The following WWOX variants were observed in gnomAD, a reference collection of about 807,000 sequenced individuals.
WWOX encodes WW domain-containing oxidoreductase.
WWOX carries 69 observed loss-of-function variants against 46.2 expected under a neutral mutation model. That is an observed-to-expected ratio of 1.49 (90% CI 1.23 to 1.82). The LOEUF is 1.82. Ranked by LOEUF, WWOX falls within the 40% of genes most tolerant of loss-of-function variation. The pLI is 0.00. For missense variants in WWOX, 919 were observed against 542.6 expected, an observed-to-expected ratio of 1.69 and a Z score of -6.89; for synonymous variants, 359 against 202.6, an observed-to-expected ratio of 1.77 and a Z score of -6.56.
chr16:78,517,831 A>T (rs1355370289), intron 8 of WWOX, among the ~76,000 whole-genome samples: 1 of 151,510 alleles, frequency 6.6e-6, no homozygotes, highest in Non-Finnish European at 1.5e-5. Context: ...AGTGAAAAAA[A>T]AAAAGAATGA....
chr16:78,518,103 G>A lies in WWOX; in HGVS notation c.1056+85351G>A, dbSNP rs116132667. Among the ~76,000 whole-genome samples the A allele has an allele frequency of 2.2e-3, 328 of 152,196 alleles. 2 individuals are homozygous for A. Among genetic ancestry groups the A allele is most frequent in the African/African-American group, 7.3e-3 (304 of 41,528 alleles). ...CTGTTGGATCAGAACGGCAGTATGT[G>A]CTCTCCAGTATTTTCATAAGAGTCA... On this transcript the variant is annotated intron_variant, in intron 8 of 8. Coordinates refer to ENST00000566780, the MANE Select transcript of WWOX (RefSeq NM_016373.4).
chr16:78,926,274 A>G (rs2045495438), intron 8 of WWOX, among the ~76,000 whole-genome samples: 1 of 152,028 alleles, frequency 6.6e-6, no homozygotes, highest in Non-Finnish European at 1.5e-5. Flanking sequence ...CTGGGAGGCT[A>G]AAGTGGGAGG....
chr16:78,832,968 A>G (rs1382344912), intron 8 of WWOX, among the ~76,000 whole-genome samples: 1 of 151,444 alleles, frequency 6.6e-6, no homozygotes, highest in Non-Finnish European at 1.5e-5. Flanking sequence ...CTATGTCCCC[A>G]TTGGTGTTAA....
chr16:78,942,409 T>G (rs1478708066), intron 8 of WWOX, among the ~76,000 whole-genome samples: 3 of 152,270 alleles, frequency 2.0e-5, no homozygotes, highest in Admixed American at 1.3e-4. Context: ...GGGAGCAGTT[T>G]TGAGGACACA....
chr16:78,466,368 T>C (rs1290743737), intron 8 of WWOX, among the ~76,000 whole-genome samples: 1 of 152,156 alleles, frequency 6.6e-6, no homozygotes, highest in East Asian at 1.9e-4. Flanking sequence ...TGAAACTGTT[T>C]TGGAACTAGA....
At chr16:78,455,792 TAA>T (rs79273884) in intron 8 of WWOX, among the ~76,000 whole-genome samples, 51 of 120,072 alleles carry the variant, frequency 4.2e-4, no homozygotes, top group Admixed American at 4.6e-4. Context: ...AGGTGAAGGT[TAA>T]AAAAAAAAAA....
At chr16:78,317,048 C>G (rs562862483) in intron 5 of WWOX, among the ~76,000 whole-genome samples, 3 of 152,112 alleles carry the variant, frequency 2.0e-5, no homozygotes, top group Admixed American at 6.5e-5. Context: ...GAAGCCTGCA[C>G]AGTAAGTAGG....
chr16:78,387,634 C>T (rs1317837300), intron 6 of WWOX, among the ~76,000 whole-genome samples: 1 of 152,066 alleles, frequency 6.6e-6, no homozygotes, highest in Non-Finnish European at 1.5e-5. Flanking sequence ...AACCCTGAAA[C>T]ACTGAGCTAA....
chr16:78,848,055 G>C (rs1408670865), intron 8 of WWOX, among the ~76,000 whole-genome samples: 6 of 152,150 alleles, frequency 3.9e-5, no homozygotes, highest in African/African-American at 1.4e-4. Context: ...GAGTCATCTA[G>C]CTACTAGCCA....
chr16:78,213,881 C>A (rs910592437), intron 5 of WWOX, among the ~76,000 whole-genome samples: 1 of 152,126 alleles, frequency 6.6e-6, no homozygotes, highest in Non-Finnish European at 1.5e-5. Context: ...GCTTCTGGGG[C>A]CCCCAGGGCG....
At chr16:79,191,295 A>G (rs374752) in intron 8 of WWOX, among the ~76,000 whole-genome samples, 56,718 of 151,948 alleles carry the variant, frequency 0.37, 13,165 homozygotes, top group Non-Finnish European at 0.53. Flanking sequence ...AGCTCAGGCA[A>G]TCTGCCCGCC....
intron 5 of WWOX, among the ~76,000 whole-genome samples, chr16:78,229,515 G>GAT (rs373164261): frequency 0.16 from 12,524 of 80,364 alleles, 615 homozygotes; most frequent in Middle Eastern, 0.26. Context: ...TCTATATAGA[G>GAT]ATATATATAT....
intron 8 of WWOX, among the ~76,000 whole-genome samples, chr16:78,746,888 G>C (rs557043959): frequency 6.6e-6 from 1 of 151,966 alleles, no homozygotes; most frequent in African/African-American, 2.4e-5. Context: ...TTTGTTATGC[G>C]GCAGTATTTT....
chr16:78,731,836 T>G (rs1212001438), intron 8 of WWOX, among the ~76,000 whole-genome samples: 2 of 136,968 alleles, frequency 1.5e-5, no homozygotes, highest in African/African-American at 6.6e-5. Context: ...GCCAATTTTT[T>G]TTCTTTCTCT....
intron 8 of WWOX, among the ~76,000 whole-genome samples, chr16:78,754,458 A>G (rs138408056): frequency 2.1e-4 from 32 of 152,258 alleles, no homozygotes; most frequent in African/African-American, 6.5e-4. Context: ...TTGAAAGCCA[A>G]TGTTCTCTTA....
At chr16:78,311,501 G>A (rs1183025327) in intron 5 of WWOX, among the ~76,000 whole-genome samples, 1 of 152,196 alleles carries the variant, frequency 6.6e-6, no homozygotes, top group African/African-American at 2.4e-5. Flanking sequence ...GGGCTTTTGA[G>A]CTACTTCCCT....
chr16:78,860,000 T>C (rs1366739329), intron 8 of WWOX, among the ~76,000 whole-genome samples: 1 of 152,220 alleles, frequency 6.6e-6, no homozygotes, highest in Non-Finnish European at 1.5e-5. Flanking sequence ...TATAATGCCT[T>C]AGATAAATAG....
intron 8 of WWOX, among the ~76,000 whole-genome samples, chr16:78,760,155 G>A (rs1597564238): frequency 6.6e-6 from 1 of 152,176 alleles, no homozygotes. Context: ...GAAGGCAAAA[G>A]GCACATCTCA....
rs1393603381 is a variant in WWOX at position 78,802,933 on chromosome 16, A to C, written c.1056+370181A>C. On this transcript the variant is annotated intron_variant, in intron 8 of 8. Transcript: ENST00000566780. ...TTCATCTGAAAAAAAAAAAAAAAAAAAAAAAAAAACAACAAACAGAAAAAT... is the reference window on the plus strand; with the variant it reads ...TTCATCTGAAAAAAAAAAAAAAAAACAAAAAAAAACAACAAACAGAAAAAT... Among the ~76,000 whole-genome samples the C allele has an allele frequency of 8.9e-5, 9 of 101,356 alleles. 2 individuals are homozygous for C. Among genetic ancestry groups the C allele is most frequent in the East Asian group, 5.1e-4 (2 of 3,892 alleles). The allele number at this position is 101,356 out of a possible 152,430, so 66.5% of individuals were successfully genotyped here.
Sources: gnomAD v4.1 joint callset for allele counts (sites outside exome capture counted in the v4.1 genomes callset) on GRCh38, gnomAD v4.1.1 for gene constraint, MANE v1.5 for transcripts, NCBI Gene and HGNC (gene_info 2026-07-23, HGNC 2026-07-21) for gene names.